FRMD3: variants seen among roughly 807,000 people sequenced by gnomAD.
FRMD3 encodes FERM domain containing 3, also known as FERM domain-containing protein 3.
Under a neutral mutation model 70.2 loss-of-function variants are expected in FRMD3, and 33 were observed. The ratio of observed to expected loss-of-function variants is 0.47; its 90% confidence interval spans 0.36 to 0.63. The LOEUF (loss-of-function observed/expected upper bound fraction) is 0.63, where lower values mean the gene tolerates loss of function less well. Ranked by LOEUF, FRMD3 falls within the 20% of genes least tolerant of loss-of-function variation. The probability of loss-of-function intolerance (pLI) is 0.00; values close to 1 mark genes in which losing one functional copy is unlikely to be tolerated. For synonymous variants in FRMD3, 279 were observed against 255.9 expected, an observed-to-expected ratio of 1.09 and a Z score of -0.86; for missense variants, 632 against 711.4, an observed-to-expected ratio of 0.89 and a Z score of 1.27.
chr9:83,366,319 C>G (rs1446558837), intron 3 of FRMD3, among the ~76,000 whole-genome samples: 1 of 152,076 alleles, frequency 6.6e-6, no homozygotes, highest in Non-Finnish European at 1.5e-5. Flanking sequence ...GCCTGTAATC[C>G]CAGCACTTTG....
intron 2 of FRMD3, among the ~76,000 whole-genome samples, chr9:83,380,068 A>G (rs1825309363): frequency 6.6e-6 from 1 of 152,208 alleles, no homozygotes; most frequent in South Asian, 2.1e-4. Context: ...AACCAGACCT[A>G]AAACAGCCTC....
At chr9:83,475,230 A>G (rs1367762075) in intron 1 of FRMD3, among the ~76,000 whole-genome samples, 2 of 152,168 alleles carry the variant, frequency 1.3e-5, no homozygotes, top group Non-Finnish European at 2.9e-5. Context: ...AATAATTAAC[A>G]TGTTTAAGAA....
intron 1 of FRMD3, among the ~76,000 whole-genome samples, chr9:83,400,457 A>G (rs1825922225): frequency 6.6e-6 from 1 of 152,200 alleles, no homozygotes; most frequent in East Asian, 1.9e-4. Flanking sequence ...AATATTGTCA[A>G]GATGTCAGTT....
chr9:83,423,996 G>A (rs542257248), intron 1 of FRMD3, among the ~76,000 whole-genome samples: 13 of 152,212 alleles, frequency 8.5e-5, no homozygotes, highest in East Asian at 3.9e-4. Context: ...AAGTTCTATC[G>A]GACCATGCCA....
At chr9:83,546,405 T>C in the FRMD3 span, among the ~76,000 whole-genome samples, 1 of 152,066 alleles carries the variant, frequency 6.6e-6, no homozygotes. Flanking sequence ...TTCTATATCC[T>C]GCAAAATTAA....
chr9:83,417,030 G>A (rs530323473), intron 1 of FRMD3, among the ~76,000 whole-genome samples: 13 of 152,036 alleles, frequency 8.6e-5, no homozygotes, highest in African/African-American at 1.9e-4. Context: ...TGTTCACCAC[G>A]CAAGCAAAAA....
intron 1 of FRMD3, among the ~76,000 whole-genome samples, chr9:83,396,423 C>A (rs1434685398): frequency 6.6e-6 from 1 of 152,224 alleles, no homozygotes; most frequent in Non-Finnish European, 1.5e-5. Flanking sequence ...CTCAGGTATG[C>A]ACATGCGTGT....
At chr9:83,540,061 G>A (rs1829981019), upstream of FRMD3, among the ~76,000 whole-genome samples, 1 of 152,154 alleles carries the variant, frequency 6.6e-6, no homozygotes, top group Non-Finnish European at 1.5e-5. Context: ...TCAAAGGAGA[G>A]AACACCTGTT....
chr9:83,405,444 C>T (rs2131327349), intron 1 of FRMD3, among the ~76,000 whole-genome samples: 1 of 152,130 alleles, frequency 6.6e-6, no homozygotes, highest in South Asian at 2.1e-4. Flanking sequence ...AGGAGCGGTT[C>T]TGGGATACAG....
At chr9:83,561,532 T>G in the FRMD3 span, among the ~76,000 whole-genome samples, 2 of 152,206 alleles carry the variant, frequency 1.3e-5, no homozygotes, top group African/African-American at 4.8e-5. Context: ...TAAATAGCCC[T>G]GAAATCTGCA....
At chr9:83,443,944 T>C (rs1459740025) in intron 1 of FRMD3, among the ~76,000 whole-genome samples, 5 of 152,244 alleles carry the variant, frequency 3.3e-5, no homozygotes, top group Non-Finnish European at 7.3e-5. Flanking sequence ...CTCTTTTTAA[T>C]TTTTTTCAAT....
intron 12 of FRMD3, among the ~76,000 whole-genome samples, chr9:83,294,771 C>T (rs1834591972): frequency 6.6e-6 from 1 of 152,208 alleles, no homozygotes; most frequent in South Asian, 2.1e-4. Context: ...ATGCTGCACA[C>T]TGCCTTTCTG....
chr9:83,396,315 A>G (rs531310803), intron 1 of FRMD3, among the ~76,000 whole-genome samples: 1 of 152,378 alleles, frequency 6.6e-6, no homozygotes, highest in Non-Finnish European at 1.5e-5. Flanking sequence ...GGGAAAAGGC[A>G]GTTTTATAAA....
chr9:83,266,742 C>T (rs1833273479), intron 13 of FRMD3, among the ~76,000 whole-genome samples: 2 of 152,166 alleles, frequency 1.3e-5, no homozygotes, highest in Non-Finnish European at 2.9e-5. Context: ...CCTCCCTCTC[C>T]CTCCTGACTC....
At chr9:83,280,178 G>A (rs1587670569) in intron 13 of FRMD3, among the ~76,000 whole-genome samples, 1 of 152,160 alleles carries the variant, frequency 6.6e-6, no homozygotes, top group East Asian at 1.9e-4. Context: ...ATAAGATCTA[G>A]GTCATATCAA....
At chr9:83,522,669 T>C (rs965722894) in intron 1 of FRMD3, among the ~76,000 whole-genome samples, 1 of 151,334 alleles carries the variant, frequency 6.6e-6, no homozygotes, top group South Asian at 2.1e-4. Flanking sequence ...GTTCACACCA[T>C]TCTCCTGCCT....
At chr9:83,404,416 G>C (rs1017879596) in intron 1 of FRMD3, among the ~76,000 whole-genome samples, 3 of 152,034 alleles carry the variant, frequency 2.0e-5, no homozygotes, top group Non-Finnish European at 1.5e-5. Flanking sequence ...CTGAAGGAAG[G>C]AAAATATCAC....
chr9:83,436,458 A>ATGTGTGTGTGTG (rs148417744), intron 1 of FRMD3, among the ~76,000 whole-genome samples: 3,366 of 144,604 alleles, frequency 0.023, 116 homozygotes, highest in African/African-American at 0.065. Flanking sequence ...AATTAATAAG[A>ATGTGTGTGTGTG]TGTGTGTGTG....
At chr9:83,306,607 T>G (rs913469630) in intron 10 of FRMD3, among the ~76,000 whole-genome samples, 10 of 152,172 alleles carry the variant, frequency 6.6e-5, no homozygotes, top group African/African-American at 2.2e-4. Flanking sequence ...TCTTTTTTTT[T>G]CATTTCCCCC....
Sources: allele counts gnomAD v4.1 joint callset (sites outside exome capture counted in the v4.1 genomes callset), GRCh38; gene constraint gnomAD v4.1.1; transcripts MANE v1.5; gene names NCBI Gene and HGNC (gene_info 2026-07-23, HGNC 2026-07-21).